The following GALK2 variants were observed in gnomAD, a reference collection of about 807,000 sequenced individuals.
The protein encoded by GALK2 is galactokinase 2.
GALK2 carries 36 observed loss-of-function variants against 52.4 expected under a neutral mutation model. The observed-to-expected ratio is 0.69, with a 90% CI of 0.53 to 0.91. The LOEUF (loss-of-function observed/expected upper bound fraction) is 0.91. GALK2 is among the 40% of genes least tolerant of loss of function. GALK2 has a pLI of 0.00. For synonymous variants in GALK2, 176 were observed against 199.1 expected (o/e 0.88, Z 0.98); for missense variants, 579 against 559.1 (o/e 1.04, Z -0.36).
At chr15:49,189,693 A>G (rs2086594187) in intron 1 of GALK2, among the ~76,000 whole-genome samples, 1 of 152,146 alleles carries the variant, frequency 6.6e-6, no homozygotes, top group South Asian at 2.1e-4. Context: ...CAAGCTGATA[A>G]TGAGATGACT....
chr15:49,294,501 C>A (rs116119267), intron 8 of GALK2, among the ~76,000 whole-genome samples: 271 of 152,172 alleles, frequency 1.8e-3, no homozygotes, highest in African/African-American at 6.2e-3. Context: ...GGGAGGTAAT[C>A]AATATTTATT....
chr15:49,203,909 G>A (rs1265876582), intron 2 of GALK2, among the ~76,000 whole-genome samples: 1 of 152,136 alleles, frequency 6.6e-6, no homozygotes, highest in East Asian at 1.9e-4. Context: ...GAGGTCAGGA[G>A]TTTGAAAGCA....
intron 1 of GALK2, chr15:49,178,650 C>A: frequency 9.1e-6 from 2 of 220,788 alleles, no homozygotes; most frequent in South Asian, 1.5e-4. Flanking sequence ...AGAGAGCTGT[C>A]AGTACTGCTA....
chr15:49,335,420 TC>T (rs1458261011), downstream of GALK2: 2 of 1,597,758 alleles, frequency 1.3e-6, no homozygotes, highest in Admixed American at 3.3e-5. Context: ...TCAACTTACA[TC>T]CTAAAATCCT....
intron 9 of GALK2, among the ~76,000 whole-genome samples, chr15:49,320,115 A>G (rs1334968016): frequency 6.6e-6 from 1 of 152,134 alleles, no homozygotes; most frequent in Non-Finnish European, 1.5e-5. Flanking sequence ...CTTTGCTCAG[A>G]GCTGGGCCCT....
intron 1 of GALK2, among the ~76,000 whole-genome samples, chr15:49,175,209 G>C (rs1416418069): frequency 1.3e-5 from 2 of 152,154 alleles, no homozygotes; most frequent in Non-Finnish European, 2.9e-5. Context: ...AGGACACAAA[G>C]ACAGTTAGTG....
chr15:49,322,918 C>T (rs140727493), intron 9 of GALK2, among the ~76,000 whole-genome samples: 23 of 147,396 alleles, frequency 1.6e-4, no homozygotes, highest in African/African-American at 5.8e-4. Context: ...GATCGCAACA[C>T]TGCCCTCCAG....
At chr15:49,295,309 T>TTCTCTCTC (rs58542204) in intron 8 of GALK2, among the ~76,000 whole-genome samples, 2 of 145,562 alleles carry the variant, frequency 1.4e-5, no homozygotes, top group Non-Finnish European at 3.0e-5. Context: ...ACAAGCTCAT[T>TTCTCTCTC]TCTCTCTCTC....
At chr15:49,304,428 C>T (rs750519773) in intron 8 of GALK2, among the ~76,000 whole-genome samples, 2 of 152,202 alleles carry the variant, frequency 1.3e-5, no homozygotes, top group Admixed American at 6.5e-5. Flanking sequence ...ATCTAAGACA[C>T]TTATGGAGCT....
chr15:49,212,697 G>A (rs987222488), intron 2 of GALK2, among the ~76,000 whole-genome samples: 6 of 151,922 alleles, frequency 3.9e-5, no homozygotes, highest in African/African-American at 1.4e-4. Flanking sequence ...TTGATCTGTT[G>A]TCTTTTCACT....
chr15:49,243,970 A>T (rs770800011), intron 5 of GALK2, among the ~76,000 whole-genome samples: 3 of 152,060 alleles, frequency 2.0e-5, no homozygotes, highest in Non-Finnish European at 4.4e-5. Context: ...AAAAGAGAAC[A>T]GACTGGAAGA....
At chr15:49,314,934 G>A (rs2036280254) in intron 8 of GALK2, among the ~76,000 whole-genome samples, 1 of 152,252 alleles carries the variant, frequency 6.6e-6, no homozygotes, top group African/African-American at 2.4e-5. Context: ...CCAAGGGCCT[G>A]TCACAGGAGC....
intron 2 of GALK2, among the ~76,000 whole-genome samples, chr15:49,210,173 G>T (rs1595677417): frequency 6.7e-6 from 1 of 149,724 alleles, no homozygotes; most frequent in African/African-American, 2.5e-5. Flanking sequence ...GGTGTCACTT[G>T]TAATGTCTCC....
intron 5 of GALK2, among the ~76,000 whole-genome samples, chr15:49,279,639 C>CTT (rs1414319422): frequency 6.6e-6 from 1 of 152,180 alleles, no homozygotes; most frequent in Non-Finnish European, 1.5e-5. Flanking sequence ...ACTTAGTATA[C>CTT]TTACCACATA....
intron 3 of GALK2, among the ~76,000 whole-genome samples, chr15:49,350,403 T>C (rs1037744552): frequency 7.9e-5 from 12 of 152,162 alleles, no homozygotes; most frequent in African/African-American, 2.9e-4. Context: ...TTCTTTAAAT[T>C]TTGCTCTAAA....
intron 5 of GALK2, among the ~76,000 whole-genome samples, chr15:49,267,595 T>C (rs900409353): frequency 6.6e-6 from 1 of 152,218 alleles, no homozygotes; most frequent in Non-Finnish European, 1.5e-5. Flanking sequence ...GATGGTTTTA[T>C]CACTTAAACC....
chr15:49,265,297 G>T (rs1440023079), intron 5 of GALK2, among the ~76,000 whole-genome samples: 1 of 152,218 alleles, frequency 6.6e-6, no homozygotes, highest in Non-Finnish European at 1.5e-5. Context: ...CCCCCAGCCT[G>T]GCTGCCGCCT....
At chr15:49,185,811 GT>G (rs2086299841) in intron 1 of GALK2, 1 of 152,186 alleles carries the variant, frequency 6.6e-6, no homozygotes, top group Admixed American at 6.5e-5. Context: ...AGTGATAGCA[GT>G]TTTTGTCTGT....
At position 49,329,786 on chromosome 15, in the gene GALK2, T is replaced by C; in HGVS notation, c.*1627T>C. The C allele has an allele frequency of 3.2e-6, 3 of 945,390 alleles. No individual in the cohort carries two copies. Among genetic ancestry groups the C allele is most frequent in the Non-Finnish European group, 3.8e-6 (3 of 795,432 alleles). 58.6% of individuals were successfully genotyped at this position (945,390 alleles called of 1,614,324 possible). On this transcript the variant is annotated 3_prime_UTR_variant, in exon 10 of 10. Coordinates refer to ENST00000560031, the MANE Select transcript of GALK2 (RefSeq NM_002044.4). ...GATTTGTGGTTGGTATATAATTCTT[T>C]AAAGATACCTGGATCAGTGTAAAAA... is the stretch of plus-strand genomic sequence containing the variant.
Sources: allele counts gnomAD v4.1 joint callset (sites outside exome capture counted in the v4.1 genomes callset), GRCh38; gene constraint gnomAD v4.1.1; transcripts MANE v1.5; gene names NCBI Gene and HGNC (gene_info 2026-07-23, HGNC 2026-07-21).